SLC6A11: variants seen among roughly 807,000 people sequenced by gnomAD.
SLC6A11 encodes solute carrier family 6 member 11, also known as sodium- and chloride-dependent GABA transporter 3.
SLC6A11 carries 25 observed loss-of-function variants against 74.8 expected under a neutral mutation model. That is an observed-to-expected ratio of 0.33 (90% confidence interval 0.24 to 0.47). The LOEUF (loss-of-function observed/expected upper bound fraction) is 0.47. SLC6A11 is among the 20% of genes least tolerant of loss of function. The probability of loss-of-function intolerance (pLI) is 1.00; values close to 1 mark genes in which losing one functional copy is unlikely to be tolerated. For synonymous variants in SLC6A11, 330 were observed against 330.2 expected (o/e 1.00, Z 0.01); for missense variants, 574 against 837.0 (o/e 0.69, Z 3.88).
Position 10,935,592 on chromosome 3 carries a change from G to A in SLC6A11, c.1746+393G>A, listed in dbSNP as rs114632739. 3.1e-3 allele frequency among the ~76,000 whole-genome samples: 470 copies of A among 152,266 alleles called. 1 individual carries two copies. The highest frequency in any genetic ancestry group is 0.01 in the African/African-American group (432 of 41,562). ...TTCTGACCTGTCACTGTGCCAGGCCGTCTACCTGCTGTATCTCCTGCCATC... is the reference window on the plus strand; with the variant it reads ...TTCTGACCTGTCACTGTGCCAGGCCATCTACCTGCTGTATCTCCTGCCATC... On this transcript the variant is annotated intron_variant, in intron 13 of 13. Coordinates refer to ENST00000254488, the MANE Select transcript of SLC6A11 (RefSeq NM_014229.3).
At chr3:10,873,532 G>GTCCTA (rs1208134845) in intron 5 of SLC6A11, among the ~76,000 whole-genome samples, 29 of 76,702 alleles carry the variant, frequency 3.8e-4, no homozygotes, top group Non-Finnish European at 5.0e-4. Context: ...ATCCTATCCT[G>GTCCTA]TCCTATCCTA....
intron 5 of SLC6A11, among the ~76,000 whole-genome samples, chr3:10,851,629 A>G (rs117893567): frequency 0.018 from 2,671 of 152,362 alleles, 57 homozygotes; most frequent in South Asian, 0.093. Context: ...CCAAGGCCTT[A>G]ACTCATTCAG....
At chr3:10,856,420 T>G (rs987601920) in intron 5 of SLC6A11, among the ~76,000 whole-genome samples, 1 of 152,226 alleles carries the variant, frequency 6.6e-6, no homozygotes, top group African/African-American at 2.4e-5. Context: ...CATGCTGGAC[T>G]TTGGCCTGGG....
intron 4 of SLC6A11, among the ~76,000 whole-genome samples, chr3:10,829,013 G>T (rs1694256665): frequency 6.6e-6 from 1 of 152,154 alleles, no homozygotes; most frequent in South Asian, 2.1e-4. Context: ...CCCCCTTGGA[G>T]CTCAGTGTCC....
At chr3:10,876,609 C>T (rs1004202178) in intron 6 of SLC6A11, among the ~76,000 whole-genome samples, 5 of 151,926 alleles carry the variant, frequency 3.3e-5, no homozygotes, top group South Asian at 4.2e-4. Flanking sequence ...GCCCTACTCC[C>T]GGTGATCCAG....
chr3:10,922,323 A>G (rs12634925), intron 8 of SLC6A11, among the ~76,000 whole-genome samples: 8,128 of 152,294 alleles, frequency 0.053, 438 homozygotes, highest in East Asian at 0.16. Flanking sequence ...TAGCTTCATC[A>G]ATGCTTAAAA....
intron 6 of SLC6A11, among the ~76,000 whole-genome samples, chr3:10,885,135 C>T (rs946742165): frequency 6.6e-6 from 1 of 152,168 alleles, no homozygotes; most frequent in Non-Finnish European, 1.5e-5. Flanking sequence ...ATCGTACAAC[C>T]TTCTGGCATT....
At chr3:10,863,801 G>A (rs773347132) in intron 5 of SLC6A11, among the ~76,000 whole-genome samples, 1 of 152,072 alleles carries the variant, frequency 6.6e-6, no homozygotes, top group Non-Finnish European at 1.5e-5. Flanking sequence ...TTTGTTCAGG[G>A]GACACAGGAG....
At chr3:10,824,997 A>G (rs1395969114) in intron 4 of SLC6A11, 1 of 152,220 alleles carries the variant, frequency 6.6e-6, no homozygotes, top group Non-Finnish European at 1.5e-5. Context: ...CAGCCTGGCC[A>G]ACATGGTGAA....
intron 6 of SLC6A11, among the ~76,000 whole-genome samples, chr3:10,879,800 C>T (rs1156454073): frequency 6.6e-6 from 1 of 151,974 alleles, no homozygotes; most frequent in African/African-American, 2.4e-5. Flanking sequence ...GGTTGAGTAT[C>T]CCTAAGTGCT....
intron 5 of SLC6A11, among the ~76,000 whole-genome samples, chr3:10,869,474 G>A (rs1188164417): frequency 2.0e-5 from 3 of 152,230 alleles, no homozygotes; most frequent in African/African-American, 7.2e-5. Context: ...TCTGCCTGTG[G>A]GGACTCAGAC....
chr3:10,829,308 G>A (rs1694260648), intron 4 of SLC6A11, among the ~76,000 whole-genome samples: 1 of 152,192 alleles, frequency 6.6e-6, no homozygotes, highest in Admixed American at 6.5e-5. Flanking sequence ...GTTAGTTCTG[G>A]CTACTGGAGG....
chr3:10,837,678 G>A (rs975935817), intron 4 of SLC6A11, among the ~76,000 whole-genome samples: 9 of 152,172 alleles, frequency 5.9e-5, no homozygotes, highest in South Asian at 2.1e-4. Context: ...CCCCTAGACC[G>A]TAAGTTCCCT....
At chr3:10,930,119 T>C (rs1208808178) in intron 10 of SLC6A11, among the ~76,000 whole-genome samples, 1 of 152,210 alleles carries the variant, frequency 6.6e-6, no homozygotes, top group African/African-American at 2.4e-5. Context: ...GATGTAATAT[T>C]GAAGTCAGGC....
intron 4 of SLC6A11, among the ~76,000 whole-genome samples, chr3:10,829,003 C>A (rs1018541291): frequency 6.6e-6 from 1 of 152,146 alleles, no homozygotes; most frequent in Non-Finnish European, 1.5e-5. Flanking sequence ...ATATTTCTTA[C>A]CCCCTTGGAG....
chr3:10,874,079 T>A (rs1367116730), intron 5 of SLC6A11, among the ~76,000 whole-genome samples: 1 of 152,230 alleles, frequency 6.6e-6, no homozygotes, highest in African/African-American at 2.4e-5. Flanking sequence ...TAGTCTCTCT[T>A]TAACTATGCA....
chr3:10,903,007 T>C (rs1196281586), intron 6 of SLC6A11, among the ~76,000 whole-genome samples: 2 of 152,242 alleles, frequency 1.3e-5, no homozygotes, highest in Non-Finnish European at 2.9e-5. Context: ...ACTTTCCATC[T>C]GGTATGTCAT....
intron 6 of SLC6A11, among the ~76,000 whole-genome samples, chr3:10,905,681 C>T (rs771497918): frequency 6.6e-6 from 1 of 152,178 alleles, no homozygotes; most frequent in East Asian, 1.9e-4. Flanking sequence ...TTTTCACAAC[C>T]ACAGGCATCT....
Position 10,918,266 on chromosome 3 carries a change from C to A in SLC6A11, c.996-63C>A. ...ACAGCCATGGTGCTCGGGTGGAGAA[C>A]GTTTGAGCCGTGCACCGGTTCTGCC... On this transcript the variant is annotated intron_variant, in intron 7 of 13. Transcript: ENST00000254488. This position sits in a 1 kb window ranked among gnomAD's most constrained non-coding sequence, Gnocchi z 4.5. The A allele has an allele frequency of 6.8e-7, 1 of 1,480,096 alleles. No individual in the cohort carries two copies. 91.7% of individuals were successfully genotyped at this position (1,480,096 alleles called of 1,614,324 possible).
Sources: allele counts gnomAD v4.1 joint callset (sites outside exome capture counted in the v4.1 genomes callset), GRCh38; gene constraint gnomAD v4.1.1; non-coding constraint Gnocchi (gnomAD v3.1); transcripts MANE v1.5; gene names NCBI Gene and HGNC (gene_info 2026-07-23, HGNC 2026-07-21).